BDP1: variants seen among roughly 807,000 people sequenced by gnomAD.
BDP1 encodes BDP1 general transcription factor IIIB subunit, also known as transcription factor TFIIIB component B'' homolog.
BDP1 carries 169 observed loss-of-function variants against 266.6 expected under a neutral mutation model. The ratio of observed to expected loss-of-function variants is 0.63; its 90% confidence interval spans 0.56 to 0.72. The LOEUF is 0.72. Ranked by LOEUF, BDP1 falls within the 30% of genes least tolerant of loss-of-function variation. BDP1 has a pLI of 0.00. For synonymous variants in BDP1, 1,090 were observed against 1,022.4 expected (o/e 1.07, Z -1.26); for missense variants, 3,015 against 3,053.8 (o/e 0.99, Z 0.30).
intron 26 of BDP1, among the ~76,000 whole-genome samples, chr5:71,535,494 C>T (rs1029707198): frequency 2.6e-5 from 4 of 152,120 alleles, no homozygotes; most frequent in African/African-American, 7.2e-5. Context: ...TGTGAGCCAC[C>T]GTGCCCGGCC....
At chr5:71,502,353 T>A (rs1366028268) in intron 14 of BDP1, among the ~76,000 whole-genome samples, 1 of 152,040 alleles carries the variant, frequency 6.6e-6, no homozygotes, top group Non-Finnish European at 1.5e-5. Context: ...TTTTGTATTT[T>A]TAGTAGAGAC....
Position 71,486,642 on chromosome 5 carries a change from A to G in BDP1, c.1213+15A>G. On this transcript the variant is annotated intron_variant, in intron 9 of 38. Transcript: ENST00000358731. ...AAATGTAAAAGGTATTGATTTTAAA[A>G]GGAAGTGTGATAGTTTACTTAGTAG... The G allele has an allele frequency of 1.3e-6, 2 of 1,502,298 alleles. No homozygotes were observed. The highest frequency in any genetic ancestry group is 1.8e-6 in the Non-Finnish European group (2 of 1,137,752). 93.1% of individuals were successfully genotyped at this position (1,502,298 alleles called of 1,614,324 possible).
At position 71,504,684 on chromosome 5, in the gene BDP1, C is replaced by T; in HGVS notation, c.2305C>T (p.Pro769Ser). ...TGAAGAGGAAGATGTCATATTACAG[C>T]CTGAGAAAAATGATTCTTTTCAAAA... ...DFEEEDVILQ[P>S]EKNDSFQNVQ... The change falls in exon 16 of 39, where the codon CCT becomes TCT. Residue 769 changes from proline to serine, a missense_variant. Around this residue, in one of 3 missense-constraint regions of BDP1, gnomAD observed 2,383 missense variants for 2,404.9 expected, o/e 0.99. Coordinates refer to ENST00000358731, the MANE Select transcript of BDP1 (RefSeq NM_018429.3). 1.2e-6 allele frequency: 2 copies of T among 1,613,350 alleles called. No individual in the cohort carries two copies. Among genetic ancestry groups the T allele is most frequent in the African/African-American group, 2.7e-5 (2 of 75,004 alleles).
In BDP1 at chr5:71,511,076, C is replaced by A. The variant is rs371188829; in HGVS notation, c.3984C>A (p.Thr1328=). 2.6e-5 allele frequency: 42 copies of A among 1,614,018 alleles called. No individual in the cohort carries two copies. The East Asian group carries it at 8.5e-4, about 33-fold the overall frequency. The change falls in exon 17 of 39, where the codon ACC becomes ACA. Residue 1328 remains threonine, a synonymous_variant. Coordinates refer to ENST00000358731, the MANE Select transcript of BDP1 (RefSeq NM_018429.3). ...PRENELEETS[T]SRQTDTHLMQ... is the part of the protein sequence containing the mutation. ...AAAACGAGCTAGAGGAGACCAGTACCTCAAGACAAACTGACACACATTTAA... is the reference window on the plus strand; with the variant it reads ...AAAACGAGCTAGAGGAGACCAGTACATCAAGACAAACTGACACACATTTAA...
At chr5:71,577,692 C>T in the BDP1 span, among the ~76,000 whole-genome samples, 15 of 151,936 alleles carry the variant, frequency 9.9e-5, no homozygotes, top group African/African-American at 1.5e-4. Context: ...GAGTTTCAGC[C>T]TTCTTTAGAA....
rs1207895760 is a variant in BDP1 at position 71,516,222 on chromosome 5, G to A, written c.4811G>A (p.Gly1604Glu). 5 of 1,613,280 alleles carry A rather than the reference G, an allele frequency of 3.1e-6. No individual in the cohort carries two copies. The Admixed American group carries it at 8.3e-5, about 27-fold the overall frequency. The change falls in exon 21 of 39, where the codon GGA becomes GAA. Residue 1604 changes from glycine (G) to glutamate (E), a missense_variant. By Grantham distance (98) the Gly-to-Glu change is moderately conservative. Coordinates refer to ENST00000358731, the MANE Select transcript of BDP1 (RefSeq NM_018429.3). ...KGEAKGIIKEGRTILPKDETE... is the reference protein window; with the variant it reads ...KGEAKGIIKEERTILPKDETE... ...GAAGCCAAAGGCATAATTAAGGAAG[G>A]AAGAACGATATTACCAAAAGATGAA...
chr5:71,546,509 T>C (rs963807114), intron 32 of BDP1, among the ~76,000 whole-genome samples: 1 of 149,806 alleles, frequency 6.7e-6, no homozygotes, highest in Admixed American at 6.8e-5. Flanking sequence ...TCCCAGCTAC[T>C]TGGGAGGCTG....
intron 12 of BDP1, 105 bp downstream of exon 12, chr5:71,495,513 CTTTA>C: frequency 1.6e-6 from 1 of 634,766 alleles, no homozygotes; most frequent in African/African-American, 1.9e-5. Context: ...TTAATACATA[CTTTA>C]TTAATAGTAG....
At chr5:71,495,437 T>A (rs1354975846) in intron 12 of BDP1, 29 bp downstream of exon 12, 2 of 1,481,214 alleles carry the variant, frequency 1.4e-6, no homozygotes, top group Admixed American at 4.0e-5. Context: ...AGGATTTATT[T>A]ATAAAATTTT....
At chr5:71,488,152 G>A (rs1763377314) in intron 9 of BDP1, among the ~76,000 whole-genome samples, 1 of 151,938 alleles carries the variant, frequency 6.6e-6, no homozygotes, top group South Asian at 2.1e-4. Flanking sequence ...TTGAGACAGG[G>A]TCTCACTTTG....
In BDP1 at chr5:71,522,400, A is replaced by G; in HGVS notation, c.5103A>G (p.Leu1701=). The G allele has an allele frequency of 6.2e-7, 1 of 1,614,068 alleles. No homozygotes were observed. The highest frequency in any genetic ancestry group is 1.1e-5 in the South Asian group (1 of 91,074). Residue 1701 remains leucine, a synonymous_variant, in exon 23 of 39, where the codon TTA becomes TTG. Coordinates refer to ENST00000358731, the MANE Select transcript of BDP1 (RefSeq NM_018429.3). ...ACAGTAAGAAAGAGGAACCAGTTTT[A>G]GAAAAAGTCACAACAGATCAGAGCA... ...RAHSKKEEPV[L]EKVTTDQSKE...
At chr5:71,553,025 A>T in intron 34 of BDP1, 91 bp from the exon 35 acceptor site, 1 of 1,094,004 alleles carries the variant, frequency 9.1e-7, no homozygotes, top group African/African-American at 1.6e-5. Context: ...CTTTAACTTT[A>T]TTATTGGAAG....
rs781520214 is a variant in BDP1 at position 71,542,278 on chromosome 5, C to T, written c.6412+13C>T. On this transcript the variant is annotated intron_variant, in intron 30 of 38. Transcript: ENST00000358731. ...GAAACTCAAAGAGGTAAATTTTATT[C>T]TCTTAATATGTTGCAAAATCATTTT... 1.3e-6 allele frequency: 2 copies of T among 1,590,328 alleles called. No individual in the cohort carries two copies. The highest frequency in any genetic ancestry group is 2.3e-5 in the East Asian group (1 of 44,416).
chr5:71,527,127 C>T (rs1414961739), intron 25 of BDP1, among the ~76,000 whole-genome samples: 2 of 151,720 alleles, frequency 1.3e-5, no homozygotes, highest in African/African-American at 2.4e-5. Flanking sequence ...CGCTATGTTG[C>T]ACAGTCTGGT....
intron 8 of BDP1, among the ~76,000 whole-genome samples, chr5:71,486,270 G>T (rs1041417513): frequency 3.9e-5 from 6 of 152,092 alleles, no homozygotes; most frequent in African/African-American, 1.4e-4. Flanking sequence ...TAGTTTATTT[G>T]TTTCGTTGCT....
intron 22 of BDP1, among the ~76,000 whole-genome samples, chr5:71,519,966 A>G (rs1363520428): frequency 6.6e-6 from 1 of 152,078 alleles, no homozygotes. Context: ...CCACATCCTG[A>G]CCAGTATTTG....
At chr5:71,522,720 T>TGTAGCTA (rs748625619) in intron 23 of BDP1, 36 bp from the exon 24 acceptor site, 1 of 1,542,714 alleles carries the variant, frequency 6.5e-7, no homozygotes, top group Non-Finnish European at 8.7e-7. Flanking sequence ...AGATTGTTTC[T>TGTAGCTA]GTAGTAATAC....
intron 13 of BDP1, among the ~76,000 whole-genome samples, chr5:71,499,747 C>G (rs1316454668): frequency 6.6e-6 from 1 of 152,164 alleles, no homozygotes; most frequent in African/African-American, 2.4e-5. Flanking sequence ...AATCAGTTCT[C>G]TACTAATGGA....
intron 17 of BDP1, chr5:71,511,355 C>T (rs1764910636): frequency 5.2e-6 from 3 of 574,940 alleles, no homozygotes; most frequent in Non-Finnish European, 8.8e-6. Flanking sequence ...AGGCTGGGCA[C>T]ACCTTTAAAC....
Sources: allele counts gnomAD v4.1 joint callset (sites outside exome capture counted in the v4.1 genomes callset), GRCh38; gene constraint gnomAD v4.1.1; regional missense constraint gnomAD v4.1.1; transcripts MANE v1.5; gene names NCBI Gene and HGNC (gene_info 2026-07-23, HGNC 2026-07-21).